Variants in EPHX1 observed in about 807,000 individuals in gnomAD.
EPHX1 encodes epoxide hydrolase 1.
In EPHX1, 40 loss-of-function variants were observed where a neutral mutation model predicts 43.2. That is an observed-to-expected ratio of 0.93 (90% confidence interval 0.72 to 1.21). EPHX1 has a LOEUF of 1.21. Ranked by LOEUF, EPHX1 falls within the 50% of genes most tolerant of loss-of-function variation. The pLI, the probability that EPHX1 is intolerant of heterozygous loss-of-function variation, is 0.00. For missense variants in EPHX1, 550 were observed against 570.4 expected (o/e 0.96, Z 0.36); for synonymous variants, 221 against 226.7 (o/e 0.98, Z 0.22).
intron 1 of EPHX1, among the ~76,000 whole-genome samples, chr1:225,820,126 C>T (rs941734363): frequency 1.3e-5 from 2 of 152,124 alleles, no homozygotes; most frequent in African/African-American, 4.8e-5. Context: ...GAGACAGAGT[C>T]TTGCTGTGTT....
Position 225,838,663 on chromosome 1 carries a change from T to C in EPHX1, c.374T>C (p.Ile125Thr). ...HFKTKIEGLD[I>T]HFIHVKPPQL... ...TGCTCTGTCCCCCCAGGGCTGGACA[T>C]CCACTTCATCCACGTGAAGCCCCCC... The change falls in exon 4 of 9, where the codon ATC becomes ACC. Residue 125 changes from isoleucine (I) to threonine (T), a missense_variant. Transcript: ENST00000272167. 6.2e-7 allele frequency: 1 copy of C among 1,613,912 alleles called. No homozygotes were observed. Among genetic ancestry groups the C allele is most frequent in the Non-Finnish European group, 8.5e-7 (1 of 1,179,912 alleles).
At chr1:225,828,084 A>G (rs988216605) in intron 1 of EPHX1, among the ~76,000 whole-genome samples, 1 of 152,138 alleles carries the variant, frequency 6.6e-6, no homozygotes, top group Non-Finnish European at 1.5e-5. Flanking sequence ...CGTGGCTCAC[A>G]CCTGTAATCC....
At chr1:225,815,116 G>GGTT (rs1559014990) in intron 1 of EPHX1, among the ~76,000 whole-genome samples, 1 of 84,950 alleles carries the variant, frequency 1.2e-5, no homozygotes, top group African/African-American at 3.4e-5. Context: ...TCGGGGCACA[G>GGTT]CCACCAGGTG....
intron 5 of EPHX1, 21 bp downstream of exon 5, chr1:225,839,367 GT>G (rs1668191308): frequency 6.8e-5 from 17 of 251,414 alleles, no homozygotes; most frequent in Middle Eastern, 9.4e-4. Flanking sequence ...TGTTGGGGTG[GT>G]GTGTGTGTGT....
At chr1:225,814,620 C>T (rs12029894) in intron 1 of EPHX1, among the ~76,000 whole-genome samples, 21,686 of 152,106 alleles carry the variant, frequency 0.14, 1,719 homozygotes, top group Middle Eastern at 0.24. Context: ...GGCTGGTGAC[C>T]GGGAGCAGGA....
Position 225,828,705 on chromosome 1 carries a change from G to C in EPHX1, c.-5-20G>C. The C allele has an allele frequency of 6.2e-7, 1 of 1,606,190 alleles. No homozygotes were observed. Among genetic ancestry groups the C allele is most frequent in the South Asian group, 1.1e-5 (1 of 90,710 alleles). Reference sequence around the variant, plus strand: ...GGGCTGGGCGGGCTCCGTTGTTAATGGCTTCCCCTCATCTTGCAGGAGCCA... The same window carrying C: ...GGGCTGGGCGGGCTCCGTTGTTAATCGCTTCCCCTCATCTTGCAGGAGCCA... On this transcript the variant is annotated intron_variant, in intron 1 of 8. Transcript: ENST00000272167.
intron 6 of EPHX1, among the ~76,000 whole-genome samples, chr1:225,840,243 C>T (rs1668291386): frequency 6.6e-6 from 1 of 152,248 alleles, no homozygotes; most frequent in African/African-American, 2.4e-5. Flanking sequence ...AATTTAGCAA[C>T]TCTGTTTAGC....
At position 225,844,557 on chromosome 1, in the gene EPHX1, T is replaced by C. The variant is rs763000173; in HGVS notation, c.1100T>C (p.Ile367Thr). ...ATGCTCTACTGGACAACAGGCACCA[T>C]CATCTCCTCCCAGCGCTTCTACAAG... is the stretch of plus-strand genomic sequence containing the variant. The part of the protein sequence containing the change: ...NVMLYWTTGT[I>T]ISSQRFYKEN... Residue 367 changes from isoleucine (I) to threonine (T), a missense_variant, in exon 8 of 9, where the codon ATC becomes ACC. Coordinates refer to ENST00000272167, the MANE Select transcript of EPHX1 (RefSeq NM_001136018.4). The C allele has an allele frequency of 6.2e-7, 1 of 1,614,130 alleles. No individual in the cohort carries two copies. The highest frequency in any genetic ancestry group is 1.7e-5 in the Admixed American group (1 of 60,020).
At chr1:225,843,698 A>G (rs1458515535) in intron 7 of EPHX1, among the ~76,000 whole-genome samples, 1 of 152,240 alleles carries the variant, frequency 6.6e-6, no homozygotes, top group Non-Finnish European at 1.5e-5. Context: ...TCTGTGTTCT[A>G]GAAAGAACAG....
intron 7 of EPHX1, among the ~76,000 whole-genome samples, chr1:225,844,136 TAG>T (rs1323275387): frequency 6.6e-6 from 1 of 152,100 alleles, no homozygotes; most frequent in Admixed American, 6.6e-5. Context: ...GTAAGGAGCT[TAG>T]AACATGCTGC....
At chr1:225,827,401 A>G (rs1238636794) in intron 1 of EPHX1, among the ~76,000 whole-genome samples, 1 of 152,226 alleles carries the variant, frequency 6.6e-6, no homozygotes, top group African/African-American at 2.4e-5. Flanking sequence ...GGTTACTCTG[A>G]ACAAGAACAG....
At chr1:225,837,094 G>A (rs1370152864) in intron 3 of EPHX1, among the ~76,000 whole-genome samples, 1 of 151,876 alleles carries the variant, frequency 6.6e-6, no homozygotes, top group Non-Finnish European at 1.5e-5. Context: ...GAGTTTTCTG[G>A]ATTCTTTGCA....
chr1:225,842,299 A>G, intron 6 of EPHX1, 67 bp from the exon 7 acceptor site: 1 of 1,218,782 alleles, frequency 8.2e-7, no homozygotes. Flanking sequence ...GCCACACATC[A>G]CACCTGAAGC....
rs1200991141 is a variant in EPHX1, at chr1:225,817,006, T to A, written c.-6+6837T>A. Among the ~76,000 whole-genome samples the A allele has an allele frequency of 6.6e-6, 1 of 152,212 alleles. No individual in the cohort carries two copies. The highest frequency in any genetic ancestry group is 1.5e-5 in the Non-Finnish European group (1 of 68,032). On this transcript the variant is annotated intron_variant, in intron 1 of 8. Transcript: ENST00000272167. This position sits in a 1 kb window ranked among gnomAD's most constrained non-coding sequence, Gnocchi z 5.7. ...GTCTCCTGACACTTTTTACTGCTCT[T>A]TTACTCTCCCCCAGCTTTTTTTTTC...
At chr1:225,824,157 G>A (rs1004344633) in intron 1 of EPHX1, among the ~76,000 whole-genome samples, 9 of 151,868 alleles carry the variant, frequency 5.9e-5, no homozygotes, top group African/African-American at 1.9e-4. Flanking sequence ...CGCCGCCCCC[G>A]CAGTCCTTCC....
At chr1:225,844,450 C>G (rs1668738937) in intron 7 of EPHX1, 48 bp from the exon 8 acceptor site, 1 of 1,603,742 alleles carries the variant, frequency 6.2e-7, no homozygotes, top group South Asian at 1.1e-5. Context: ...CTTTGTCACA[C>G]AACTGCATGT....
At chr1:225,834,593 A>AAG (rs1667855990) in intron 3 of EPHX1, among the ~76,000 whole-genome samples, 1 of 151,540 alleles carries the variant, frequency 6.6e-6, no homozygotes, top group Admixed American at 6.6e-5. Context: ...GAACACTAAA[A>AAG]AAAAAAAAAA....
intron 1 of EPHX1, among the ~76,000 whole-genome samples, chr1:225,826,337 A>C (rs1667231646): frequency 6.6e-6 from 1 of 150,876 alleles, no homozygotes; most frequent in Non-Finnish European, 1.5e-5. Context: ...GGTGGTATGC[A>C]CCTGTAATCA....
Position 225,826,811 on chromosome 1 carries a change from G to A in EPHX1, c.-5-1914G>A, listed in dbSNP as rs116644496. Reference sequence around the variant, plus strand: ...AGGGCTCTGGTCCAGGGGAGGGGGCGAGGCACACAGGGGGCTGAATCTGAT... The same window carrying A: ...AGGGCTCTGGTCCAGGGGAGGGGGCAAGGCACACAGGGGGCTGAATCTGAT... On this transcript the variant is annotated intron_variant, in intron 1 of 8. Coordinates refer to ENST00000272167, the MANE Select transcript of EPHX1 (RefSeq NM_001136018.4). Among the ~76,000 whole-genome samples, 5 of 152,220 alleles carry A rather than the reference G, an allele frequency of 3.3e-5. No homozygotes were observed. In the South Asian group the frequency reaches 6.2e-4, roughly 19 times the overall value.
Sources: gnomAD v4.1 joint callset for allele counts (sites outside exome capture counted in the v4.1 genomes callset) on GRCh38, gnomAD v4.1.1 for gene constraint, Gnocchi (gnomAD v3.1) non-coding constraint, MANE v1.5 for transcripts, NCBI Gene and HGNC (gene_info 2026-07-23, HGNC 2026-07-21) for gene names.